The following ZWILCH variants were observed in gnomAD, a reference collection of about 807,000 sequenced individuals.
ZWILCH encodes zwilch kinetochore protein.
Under a neutral mutation model 79.9 loss-of-function variants are expected in ZWILCH, and 74 were observed. The ratio of observed to expected loss-of-function variants is 0.93; its 90% CI spans 0.77 to 1.12. ZWILCH has a LOEUF of 1.12. Among genes scored for constraint, ZWILCH ranks in the 50% most tolerant of loss-of-function variants. The pLI is 0.00. For missense variants in ZWILCH, 694 were observed against 687.5 expected, an observed-to-expected ratio of 1.01 and a Z score of -0.11; for synonymous variants, 241 against 228.2, an observed-to-expected ratio of 1.06 and a Z score of -0.51.
intron 8 of ZWILCH, among the ~76,000 whole-genome samples, chr15:66,523,959 C>G (rs899734864): frequency 1.3e-5 from 2 of 152,108 alleles, no homozygotes; most frequent in African/African-American, 4.8e-5. Context: ...AGCTAGATTT[C>G]TCTCACCCTT....
chr15:66,509,481 A>G (rs1387251998), intron 2 of ZWILCH, among the ~76,000 whole-genome samples: 1 of 152,136 alleles, frequency 6.6e-6, no homozygotes. Context: ...AGATTCATCT[A>G]TGTTGTTGTG....
chr15:66,532,392 G>T lies in ZWILCH; in HGVS notation c.1301G>T (p.Ser434Ile). ...GACAAACTAAAGAAAGATTATATCA[G>T]TTTTTTCATAGGTAAGTATCTTTCC... ...GLDKLKKDYI[S>I]FFIGQELASL... The change falls in exon 13 of 19, where the codon AGT becomes ATT. Residue 434 changes from serine (S) to isoleucine (I), a missense_variant. Transcript: ENST00000307897. The T allele has an allele frequency of 6.2e-7, 1 of 1,604,670 alleles. No individual in the cohort carries two copies. Among genetic ancestry groups the T allele is most frequent in the Non-Finnish European group, 8.5e-7 (1 of 1,176,826 alleles).
At position 66,528,820 on chromosome 15, in the gene ZWILCH, T is replaced by C. The variant is rs1200828498; in HGVS notation, c.970-32T>C. 4.4e-6 allele frequency: 7 copies of C among 1,574,052 alleles called. No individual in the cohort carries two copies. In the African/African-American group the frequency reaches 6.8e-5, roughly 15 times the overall value. ...AAATTATTTCACTTAAAAAAAAAAC[T>C]GAGTATTCTCTGAAGGTTGCTTCTT... On this transcript the variant is annotated intron_variant, in intron 10 of 18. Transcript: ENST00000307897.
chr15:66,519,361 A>G (rs575088700), intron 5 of ZWILCH, among the ~76,000 whole-genome samples: 2 of 152,350 alleles, frequency 1.3e-5, no homozygotes, highest in African/African-American at 4.8e-5. Flanking sequence ...TCATTGGAAG[A>G]TACAAACTGA....
Position 66,549,913 on chromosome 15 carries a change from C to A in ZWILCH, c.*1589C>A. ...AAATTTGACATTGCTTCAAAGAAAC[C>A]TGATTTTAATCATAAGTAGTTTTGG... On this transcript the variant is annotated 3_prime_UTR_variant, in exon 19 of 19. Transcript: ENST00000307897. 3.8e-6 allele frequency: 2 copies of A among 531,566 alleles called. No homozygotes were observed. Among genetic ancestry groups the A allele is most frequent in the Non-Finnish European group, 6.4e-6 (2 of 312,492 alleles). 32.9% of individuals were successfully genotyped at this position (531,566 alleles called of 1,614,324 possible).
intron 8 of ZWILCH, chr15:66,524,615 C>T (rs1477218146): frequency 6.6e-6 from 1 of 152,152 alleles, no homozygotes; most frequent in African/African-American, 2.4e-5. Context: ...TGTAGAACTC[C>T]ACACATACCT....
intron 18 of ZWILCH, 71 bp from the exon 19 acceptor site, chr15:66,548,280 G>C: frequency 2.7e-6 from 1 of 366,300 alleles, no homozygotes; most frequent in Non-Finnish European, 4.9e-6. Flanking sequence ...TTAACTTTAG[G>C]AGGGGTGAGA....
intron 17 of ZWILCH, among the ~76,000 whole-genome samples, chr15:66,542,937 G>A (rs917916533): frequency 1.3e-5 from 2 of 152,222 alleles, no homozygotes; most frequent in African/African-American, 4.8e-5. Flanking sequence ...AAAGTTTGGT[G>A]TCTGTGCTGG....
chr15:66,517,953 G>C (rs190820921), intron 4 of ZWILCH, among the ~76,000 whole-genome samples: 5 of 151,382 alleles, frequency 3.3e-5, no homozygotes, highest in Admixed American at 6.6e-5. Context: ...GGCTGGTCTC[G>C]AACTCCTGAC....
intron 5 of ZWILCH, among the ~76,000 whole-genome samples, chr15:66,519,524 G>A (rs546607870): frequency 3.9e-5 from 6 of 152,230 alleles, no homozygotes; most frequent in East Asian, 3.9e-4. Context: ...GCGCGATCTC[G>A]GCTCACTGCA....
intron 2 of ZWILCH, among the ~76,000 whole-genome samples, chr15:66,510,204 T>TAAATAAAATA (rs569377201): frequency 7.9e-5 from 11 of 138,538 alleles, no homozygotes; most frequent in South Asian, 2.2e-4. Context: ...TAAAATAAAA[T>TAAATAAAATA]AAATAAAATA....
At position 66,527,354 on chromosome 15, in the gene ZWILCH, C is replaced by T. The variant is rs751838837; in HGVS notation, c.884C>T (p.Ala295Val). ...EWLEPLEAKS[A>V]VELVQEFLND... ...CTCGAGCCCCTGGAAGCAAAATCTG[C>T]TGTTGAACTTGTTCAGGAATTTCTG... is the stretch of plus-strand genomic sequence containing the variant. The change falls in exon 9 of 19, where the codon GCT becomes GTT. Residue 295 changes from alanine to valine, a missense_variant. Physicochemically the swap from Ala to Val is moderately conservative, Grantham distance 64. Coordinates refer to ENST00000307897, the MANE Select transcript of ZWILCH (RefSeq NM_017975.5). The T allele has an allele frequency of 6.2e-7, 1 of 1,613,946 alleles. No homozygotes were observed. The highest frequency in any genetic ancestry group is 8.5e-7 in the Non-Finnish European group (1 of 1,179,888).
At chr15:66,510,365 C>A (rs1363207331) in intron 2 of ZWILCH, among the ~76,000 whole-genome samples, 2 of 141,284 alleles carry the variant, frequency 1.4e-5, no homozygotes, top group African/African-American at 5.3e-5. Context: ...CCAGCCTGGG[C>A]GACAGAGCGA....
rs1487695780 is a variant in ZWILCH at position 66,548,861 on chromosome 15, T to C, written c.*537T>C. 4.1e-6 allele frequency: 1 copy of C among 243,102 alleles called. No homozygotes were observed. Among genetic ancestry groups the C allele is most frequent in the African/African-American group, 2.2e-5 (1 of 44,952 alleles). The allele number at this position is 243,102 out of a possible 1,614,324, so 15.1% of individuals were successfully genotyped here. A position where few individuals can be genotyped will look rare whatever the true frequency, so the allele number is the denominator to read the frequency against. ...TTCTTCTACAGGTGCTATAATAAAGTCCATCTCTCAATACTTATACTTTCT... is the reference window on the plus strand; with the variant it reads ...TTCTTCTACAGGTGCTATAATAAAGCCCATCTCTCAATACTTATACTTTCT... On this transcript the variant is annotated 3_prime_UTR_variant, in exon 19 of 19. Transcript: ENST00000307897.
intron 14 of ZWILCH, among the ~76,000 whole-genome samples, chr15:66,535,537 G>A (rs144639315): frequency 2.6e-5 from 4 of 152,178 alleles, no homozygotes; most frequent in East Asian, 3.9e-4. Flanking sequence ...TTAGCTGGGT[G>A]TGGTGGTGCA....
chr15:66,532,297 T>G lies in ZWILCH; in HGVS notation c.1206T>G (p.Tyr402Ter). The change falls in exon 13 of 19, where the codon TAT becomes TAG. Residue 402 changes from tyrosine (Y) to a stop codon, truncating the protein, a stop_gained. Coordinates refer to ENST00000307897, the MANE Select transcript of ZWILCH (RefSeq NM_017975.5). LOFTEE classifies it high-confidence loss of function. ...TAAGTAAGCTCATTCATCAGTCTTA[T>G]CATGGAACCATGGACACAGTTTCTC... ...SLLSKLIHQS[Y>*]HGTMDTVSLS... 1 of 1,611,864 alleles carries G rather than the reference T, an allele frequency of 6.2e-7. No homozygotes were observed.
At chr15:66,532,057 ACT>A (rs1426604221) in intron 12 of ZWILCH, among the ~76,000 whole-genome samples, 188 bp from the exon 13 acceptor site, 18 of 152,188 alleles carry the variant, frequency 1.2e-4, no homozygotes, top group African/African-American at 3.6e-4. Context: ...ACAGAGCAAG[ACT>A]CTGTCTCAAA....
intron 12 of ZWILCH, among the ~76,000 whole-genome samples, chr15:66,531,886 G>T (rs1457631187): frequency 6.6e-6 from 1 of 151,828 alleles, no homozygotes; most frequent in East Asian, 1.9e-4. Flanking sequence ...GGCCAACATG[G>T]TGAAACCCCA....
chr15:66,513,194 G>C (rs1894132871), intron 2 of ZWILCH, among the ~76,000 whole-genome samples: 1 of 152,156 alleles, frequency 6.6e-6, no homozygotes, highest in Non-Finnish European at 1.5e-5. Context: ...GCCTCCCAAA[G>C]TGCTGGGATT....
Sources: allele counts gnomAD v4.1 joint callset (sites outside exome capture counted in the v4.1 genomes callset), GRCh38; gene constraint gnomAD v4.1.1; transcripts MANE v1.5; gene names NCBI Gene and HGNC (gene_info 2026-07-23, HGNC 2026-07-21).